Variants in MICAL3 observed in about 807,000 individuals in gnomAD.
The protein encoded by MICAL3 is microtubule associated monooxygenase, calponin and LIM domain containing 3.
Under a neutral mutation model 207.4 loss-of-function variants are expected in MICAL3, and 62 were observed. The observed-to-expected ratio is 0.30, with a 90% CI of 0.24 to 0.37. The LOEUF (loss-of-function observed/expected upper bound fraction) is 0.37, where lower values mean the gene tolerates loss of function less well. MICAL3 is among the 10% of genes least tolerant of loss of function. The pLI is 1.00. For missense variants in MICAL3, 2,368 were observed against 2,635.6 expected (o/e 0.90, Z 2.22); for synonymous variants, 1,077 against 1,069.3 (o/e 1.01, Z -0.14).
chr22:17,816,845 C>T (rs1244334668), intron 26 of MICAL3, 61 bp from the exon 27 acceptor site: 1 of 1,236,914 alleles, frequency 8.1e-7, no homozygotes, highest in East Asian at 2.6e-5. Flanking sequence ...CCCTCTCCTG[C>T]TCCTATGCTC....
At chr22:17,867,272 G>A (rs1927250258) in intron 17 of MICAL3, among the ~76,000 whole-genome samples, 1 of 152,216 alleles carries the variant, frequency 6.6e-6, no homozygotes, top group African/African-American at 2.4e-5. Flanking sequence ...CACTTGGCCA[G>A]GATGCAGAGA....
intron 19 of MICAL3, chr22:17,864,604 G>A (rs762742038): frequency 1.4e-4 from 218 of 1,523,674 alleles, no homozygotes; most frequent in Non-Finnish European, 1.6e-4. Flanking sequence ...GGTGCGGGAC[G>A]GGGCTGAGGG....
chr22:17,873,167 G>A (rs1474603162), intron 16 of MICAL3, among the ~76,000 whole-genome samples: 1 of 152,228 alleles, frequency 6.6e-6, no homozygotes, highest in African/African-American at 2.4e-5. Flanking sequence ...GTAGAAGGCA[G>A]GGCGAACGCG....
chr22:17,903,362 G>A (rs780670890), intron 3 of MICAL3, among the ~76,000 whole-genome samples: 5 of 152,144 alleles, frequency 3.3e-5, no homozygotes, highest in South Asian at 2.1e-4. Context: ...TTTATTCGAC[G>A]TCCATGAGCA....
At chr22:17,800,601 C>CA (rs986620287) in intron 29 of MICAL3, among the ~76,000 whole-genome samples, 2 of 152,104 alleles carry the variant, frequency 1.3e-5, no homozygotes, top group African/African-American at 4.8e-5. Flanking sequence ...GCGTGACACA[C>CA]AGAGCACAGG....
intron 13 of MICAL3, 51 bp from the exon 14 acceptor site, chr22:17,887,486 A>G (rs369067818): frequency 7.8e-6 from 10 of 1,276,708 alleles, no homozygotes; most frequent in East Asian, 7.1e-5. Flanking sequence ...GGGCGCCGCA[A>G]AATCCTGACC....
intron 9 of MICAL3, among the ~76,000 whole-genome samples, chr22:17,896,036 G>A (rs1930797717): frequency 6.6e-6 from 1 of 152,192 alleles, no homozygotes; most frequent in Non-Finnish European, 1.5e-5. Context: ...TCTTGGAAAG[G>A]AGTAAGAGAA....
chr22:17,868,262 G>A (rs1450945996), intron 17 of MICAL3, among the ~76,000 whole-genome samples: 2 of 151,626 alleles, frequency 1.3e-5, no homozygotes, highest in South Asian at 2.1e-4. Context: ...TCACGTGTAC[G>A]CATCTCCCCA....
At chr22:17,960,380 G>A (rs182975078) in intron 1 of MICAL3, among the ~76,000 whole-genome samples, 1 of 152,338 alleles carries the variant, frequency 6.6e-6, no homozygotes, top group East Asian at 1.9e-4. Flanking sequence ...AATGAAGTCA[G>A]CAAATATTTA....
intron 29 of MICAL3, among the ~76,000 whole-genome samples, chr22:17,791,891 C>T (rs1276552382): frequency 2.0e-5 from 3 of 152,244 alleles, no homozygotes; most frequent in South Asian, 2.1e-4. Flanking sequence ...CGCTGGATCC[C>T]GCATGGTCGA....
chr22:17,988,202 G>A (rs1367091850), intron 1 of MICAL3, among the ~76,000 whole-genome samples: 1 of 152,126 alleles, frequency 6.6e-6, no homozygotes, highest in Non-Finnish European at 1.5e-5. Flanking sequence ...ACCAACAGGG[G>A]GCTGGAAAGG....
In MICAL3 at chr22:17,885,899, C is replaced by T. The variant is rs1425565794; in HGVS notation, c.2220G>A (p.Gln740=). 1 of 1,613,980 alleles carries T rather than the reference C, an allele frequency of 6.2e-7. No individual in the cohort carries two copies. The highest frequency in any genetic ancestry group is 8.5e-7 in the Non-Finnish European group (1 of 1,179,898). The change falls in exon 16 of 32, where the codon CAG becomes CAA. Residue 740 remains glutamine, a synonymous_variant. Coordinates refer to ENST00000441493, the MANE Select transcript of MICAL3 (RefSeq NM_015241.3). ...LAKFEENAPA[Q]SIGIRRQGSM... The stretch of plus-strand genomic sequence containing the variant: ...TTACCTGTCTCCGTATGCCGATGGA[C>T]TGTGCGGGCGCATTCTCTTCAAATT...
chr22:17,913,311 A>G (rs1223110830), intron 1 of MICAL3, among the ~76,000 whole-genome samples: 4 of 152,168 alleles, frequency 2.6e-5, no homozygotes, highest in African/African-American at 9.7e-5. Flanking sequence ...TGGAGTAGAA[A>G]TAAGTCGTGT....
At chr22:17,800,063 G>C (rs978435736) in intron 29 of MICAL3, among the ~76,000 whole-genome samples, 3 of 151,928 alleles carry the variant, frequency 2.0e-5, no homozygotes, top group Admixed American at 2.0e-4. Flanking sequence ...GGCAAACCAA[G>C]AACCTATCAA....
chr22:17,964,953 G>C (rs75343087), intron 1 of MICAL3, among the ~76,000 whole-genome samples: 2 of 152,120 alleles, frequency 1.3e-5, no homozygotes, highest in African/African-American at 4.8e-5. Flanking sequence ...TGGGAAAAGG[G>C]GAAAGCAAAC....
chr22:17,888,693 G>T (rs868571717), intron 13 of MICAL3, among the ~76,000 whole-genome samples: 1 of 152,170 alleles, frequency 6.6e-6, no homozygotes, highest in South Asian at 2.1e-4. Context: ...AGTTTGGGCC[G>T]TGCAGAAGCA....
At chr22:17,965,310 A>G (rs1163448960) in intron 1 of MICAL3, among the ~76,000 whole-genome samples, 1 of 152,210 alleles carries the variant, frequency 6.6e-6, no homozygotes, top group Non-Finnish European at 1.5e-5. Context: ...GGAACCCCTA[A>G]AAGACCCTGG....
chr22:17,812,701 T>C (rs2062060954), intron 27 of MICAL3: 1 of 255,236 alleles, frequency 3.9e-6, no homozygotes, highest in South Asian at 1.5e-4. Flanking sequence ...CGAGATTATT[T>C]TTCACGAAGT....
intron 1 of MICAL3, chr22:17,980,915 T>C (rs1236048399): frequency 3.7e-6 from 2 of 533,458 alleles, no homozygotes; most frequent in Admixed American, 3.9e-5. Context: ...TCGCTGGGCC[T>C]GCCCCGGCCC....
Sources: allele counts gnomAD v4.1 joint callset (sites outside exome capture counted in the v4.1 genomes callset), GRCh38; gene constraint gnomAD v4.1.1; transcripts MANE v1.5; gene names NCBI Gene and HGNC (gene_info 2026-07-23, HGNC 2026-07-21).